Variants in RTKN2 observed in about 807,000 individuals in gnomAD.
RTKN2 encodes rhotekin-2.
Under a neutral mutation model 71.5 loss-of-function variants are expected in RTKN2, and 69 were observed. The ratio of observed to expected loss-of-function variants is 0.96; its 90% confidence interval spans 0.79 to 1.18. The LOEUF (loss-of-function observed/expected upper bound fraction) is 1.18, where lower values mean the gene tolerates loss of function less well. Ranked by LOEUF, RTKN2 falls within the 50% of genes most tolerant of loss-of-function variation. The probability of loss-of-function intolerance (pLI) is 0.00; values close to 1 mark genes in which losing one functional copy is unlikely to be tolerated. For synonymous variants in RTKN2, 236 were observed against 236.5 expected, an observed-to-expected ratio of 1.00 and a Z score of 0.02; for missense variants, 724 against 719.7, an observed-to-expected ratio of 1.01 and a Z score of -0.07.
In RTKN2 at chr10:62,195,686, T is replaced by C. The variant is rs1841315725; in HGVS notation, c.*2222A>G. On this transcript the variant is annotated 3_prime_UTR_variant, in exon 12 of 12. Transcript: ENST00000373789. ...AGGAAGGAAGGAAACCAACTCTGTATTATAACTACACTCCTTAGGTAAGGG... is the reference window on the plus strand; with the variant it reads ...AGGAAGGAAGGAAACCAACTCTGTACTATAACTACACTCCTTAGGTAAGGG... 1 of 980,974 alleles carries C rather than the reference T, an allele frequency of 1.0e-6. No individual in the cohort carries two copies. The highest frequency in any genetic ancestry group is 1.2e-6 in the Non-Finnish European group (1 of 827,350). 60.8% of individuals were successfully genotyped at this position (980,974 alleles called of 1,614,324 possible).
At chr10:62,184,697 T>C (rs950362853) in intron 8 of RTKN2, among the ~76,000 whole-genome samples, 4 of 152,216 alleles carry the variant, frequency 2.6e-5, no homozygotes, top group African/African-American at 9.7e-5. Context: ...CTGAGGAGCC[T>C]TCCTAGTCTA....
intron 9 of RTKN2, chr10:62,215,109 G>T: frequency 1.4e-6 from 2 of 1,394,906 alleles, no homozygotes; most frequent in Non-Finnish European, 2.0e-6. Flanking sequence ...AATATCATTT[G>T]TTTAGATTAC....
chr10:62,244,874 T>C (rs529836565), intron 3 of RTKN2, among the ~76,000 whole-genome samples: 7 of 152,302 alleles, frequency 4.6e-5, no homozygotes, highest in South Asian at 4.1e-4. Flanking sequence ...CTTTGTAAAA[T>C]GTAGGTCTAC....
chr10:62,244,370 C>T (rs1045050842), intron 3 of RTKN2, among the ~76,000 whole-genome samples: 1 of 152,132 alleles, frequency 6.6e-6, no homozygotes, highest in Admixed American at 6.6e-5. Flanking sequence ...AATTTTTACA[C>T]TTGAGTAATT....
At chr10:62,244,098 T>C (rs1842433314) in intron 3 of RTKN2, among the ~76,000 whole-genome samples, 1 of 152,234 alleles carries the variant, frequency 6.6e-6, no homozygotes, top group Non-Finnish European at 1.5e-5. Context: ...GCTATCAATG[T>C]AATCTCAAAA....
intron 6 of RTKN2, among the ~76,000 whole-genome samples, chr10:62,223,716 T>C (rs1035344907): frequency 3.3e-5 from 5 of 152,184 alleles, no homozygotes; most frequent in Admixed American, 2.6e-4. Flanking sequence ...CCTTTGTACA[T>C]TGCTGGTCGG....
chr10:62,228,678 G>A (rs1463322478), intron 6 of RTKN2, among the ~76,000 whole-genome samples: 1 of 152,116 alleles, frequency 6.6e-6, no homozygotes, highest in East Asian at 1.9e-4. Flanking sequence ...TAGGTGGGGA[G>A]GAAACATGCA....
chr10:62,226,561 G>A (rs747167739), intron 6 of RTKN2, among the ~76,000 whole-genome samples: 14 of 152,082 alleles, frequency 9.2e-5, no homozygotes, highest in Non-Finnish European at 1.6e-4. Context: ...GTACATTTTC[G>A]AGTTACATTC....
intron 3 of RTKN2, among the ~76,000 whole-genome samples, chr10:62,242,116 G>A (rs1842388959): frequency 6.6e-6 from 1 of 151,762 alleles, no homozygotes. Flanking sequence ...CCCAAGTGCT[G>A]GGATTACAGG....
At chr10:62,188,698 C>A (rs558386809), downstream of RTKN2, among the ~76,000 whole-genome samples, 1 of 151,934 alleles carries the variant, frequency 6.6e-6, no homozygotes, top group South Asian at 2.1e-4. Context: ...TAAGAGCTTT[C>A]CTTTCTTTTC....
At chr10:62,230,325 C>A (rs1238179316) in intron 6 of RTKN2, among the ~76,000 whole-genome samples, 1 of 152,132 alleles carries the variant, frequency 6.6e-6, no homozygotes, top group East Asian at 1.9e-4. Flanking sequence ...GCGCTCACCA[C>A]CACGCCTGGT....
chr10:62,196,959 T>C lies in RTKN2; in HGVS notation c.*949A>G. The C allele has an allele frequency of 1.0e-6, 1 of 978,982 alleles. No homozygotes were observed. Among genetic ancestry groups the C allele is most frequent in the Non-Finnish European group, 1.2e-6 (1 of 824,244 alleles). The allele number at this position is 978,982 out of a possible 1,614,324, so 60.6% of individuals were successfully genotyped here. Reference sequence around the variant, plus strand: ...TGTCACTGTTGTAAGAATATGACATTTAATGAAAAATACCACTAGCAGACA... The same window carrying C: ...TGTCACTGTTGTAAGAATATGACATCTAATGAAAAATACCACTAGCAGACA... On this transcript the variant is annotated 3_prime_UTR_variant, in exon 12 of 12. Coordinates refer to ENST00000373789, the MANE Select transcript of RTKN2 (RefSeq NM_145307.4).
Position 62,195,273 on chromosome 10 carries a change from C to T in RTKN2, c.*2635G>A, listed in dbSNP as rs1841300088. The T allele has an allele frequency of 1.0e-6, 1 of 984,172 alleles. No homozygotes were observed. Among genetic ancestry groups the T allele is most frequent in the African/African-American group, 1.8e-5 (1 of 57,138 alleles). The allele number at this position is 984,172 out of a possible 1,614,324, so 61.0% of individuals were successfully genotyped here. On this transcript the variant is annotated 3_prime_UTR_variant, in exon 12 of 12. Coordinates refer to ENST00000373789, the MANE Select transcript of RTKN2 (RefSeq NM_145307.4). Reference sequence around the variant, plus strand: ...CTCTTTGTTTCAAGTTTATAGTCTTCATATATCAAGAAACAAATTAAAAGG... The same window carrying T: ...CTCTTTGTTTCAAGTTTATAGTCTTTATATATCAAGAAACAAATTAAAAGG...
chr10:62,201,997 C>A (rs1367575459), intron 10 of RTKN2, among the ~76,000 whole-genome samples: 1 of 152,048 alleles, frequency 6.6e-6, no homozygotes, highest in African/African-American at 2.4e-5. Context: ...TGTTCCCAGT[C>A]AAAATAATTT....
At chr10:62,259,080 AGGTTT>A (rs1399883939) in intron 2 of RTKN2, 37 of 330,122 alleles carry the variant, frequency 1.1e-4, no homozygotes, top group Admixed American at 4.1e-4. Context: ...TCATAGGGGC[AGGTTT>A]TTCCTGCACT....
intron 9 of RTKN2, 78 bp from the exon 10 acceptor site, chr10:62,205,100 T>A: frequency 1.8e-6 from 2 of 1,115,170 alleles, no homozygotes; most frequent in Non-Finnish European, 2.6e-6. Context: ...ATTGCTTAGC[T>A]ACCATATTTA....
intron 9 of RTKN2, among the ~76,000 whole-genome samples, chr10:62,212,510 C>T (rs1841684041): frequency 1.3e-5 from 2 of 152,018 alleles, no homozygotes; most frequent in Admixed American, 1.3e-4. Flanking sequence ...TGAGACCAGC[C>T]TGGGTAACAT....
intron 2 of RTKN2, among the ~76,000 whole-genome samples, chr10:62,257,535 A>C (rs936100542): frequency 6.6e-6 from 1 of 152,188 alleles, no homozygotes; most frequent in African/African-American, 2.4e-5. Context: ...GTGTAAGCAA[A>C]CACACTGGAG....
chr10:62,266,699 G>C (rs1842874765), intron 1 of RTKN2, among the ~76,000 whole-genome samples: 1 of 152,174 alleles, frequency 6.6e-6, no homozygotes, highest in African/African-American at 2.4e-5. Flanking sequence ...CAGATGAATA[G>C]GACAAAGGAT....
Sources: allele counts gnomAD v4.1 joint callset (sites outside exome capture counted in the v4.1 genomes callset), GRCh38; gene constraint gnomAD v4.1.1; transcripts MANE v1.5; gene names NCBI Gene and HGNC (gene_info 2026-07-23, HGNC 2026-07-21).